Variants in TAF1B observed in about 807,000 individuals in gnomAD.
TAF1B encodes the protein TATA-box binding protein associated factor, RNA polymerase I subunit B.
In TAF1B, 61 loss-of-function variants were observed where a neutral mutation model predicts 83.9. The ratio of observed to expected loss-of-function variants is 0.73; its 90% CI spans 0.59 to 0.90. The LOEUF is 0.90. Among genes scored for constraint, TAF1B ranks in the 40% least tolerant of loss-of-function variants. The pLI is 0.00. For missense variants in TAF1B, 625 were observed against 677.0 expected (o/e 0.92, Z 0.85); for synonymous variants, 221 against 224.6 (o/e 0.98, Z 0.14).
chr2:9,915,569 C>T (rs370811495), intron 12 of TAF1B, among the ~76,000 whole-genome samples: 28 of 152,046 alleles, frequency 1.8e-4, no homozygotes, highest in Non-Finnish European at 3.4e-4. Flanking sequence ...CAAATTAAAA[C>T]GACAATGACA....
At chr2:9,891,073 A>T (rs1286834077) in intron 8 of TAF1B, among the ~76,000 whole-genome samples, 1 of 152,160 alleles carries the variant, frequency 6.6e-6, no homozygotes, top group Non-Finnish European at 1.5e-5. Context: ...CACCTGGCCT[A>T]CTCTCTTACT....
At position 9,853,912 on chromosome 2, in the gene TAF1B, C is replaced by T. The variant is rs142261102; in HGVS notation, c.304-414C>T. Among the ~76,000 whole-genome samples, 1,342 of 152,174 alleles carry T rather than the reference C, an allele frequency of 8.8e-3. 10 individuals are homozygous for T. The highest frequency in any genetic ancestry group is 0.015 in the Non-Finnish European group (998 of 67,994). On this transcript the variant is annotated intron_variant, in intron 4 of 14. Transcript: ENST00000263663. ...ATATGCAGAAGAAAAGGACTCAACTCGGTGATTTTAATGTCTTTCTCTATC... is the reference window on the plus strand; with the variant it reads ...ATATGCAGAAGAAAAGGACTCAACTTGGTGATTTTAATGTCTTTCTCTATC...
At chr2:9,922,211 T>C (rs1390289140) in intron 14 of TAF1B, among the ~76,000 whole-genome samples, 2 of 152,202 alleles carry the variant, frequency 1.3e-5, no homozygotes, top group African/African-American at 4.8e-5. Context: ...GTTGTAAATG[T>C]GGGGATAATA....
chr2:9,906,661 G>A (rs560803993), intron 9 of TAF1B, among the ~76,000 whole-genome samples: 25 of 152,128 alleles, frequency 1.6e-4, no homozygotes, highest in South Asian at 6.2e-4. Context: ...ATAAAAAGTC[G>A]AACAAGCCAA....
At chr2:9,905,623 T>C (rs1456390356) in intron 9 of TAF1B, among the ~76,000 whole-genome samples, 1 of 152,236 alleles carries the variant, frequency 6.6e-6, no homozygotes, top group Non-Finnish European at 1.5e-5. Flanking sequence ...CCTGAATTTC[T>C]TGTTAGACTA....
chr2:9,870,232 G>A (rs538065163), intron 6 of TAF1B, among the ~76,000 whole-genome samples: 2 of 152,292 alleles, frequency 1.3e-5, no homozygotes, highest in East Asian at 1.9e-4. Context: ...TACACCTATT[G>A]TAATCCCAGC....
chr2:9,905,072 A>G (rs2125169266), intron 9 of TAF1B, 66 bp downstream of exon 9: 1 of 1,412,250 alleles, frequency 7.1e-7, no homozygotes. Context: ...AGAGTATAGA[A>G]TCTTTTCAAA....
intron 5 of TAF1B, among the ~76,000 whole-genome samples, chr2:9,858,302 C>T (rs924254066): frequency 2.6e-5 from 4 of 152,224 alleles, no homozygotes; most frequent in African/African-American, 9.6e-5. Flanking sequence ...GTCTCACATC[C>T]AGGCATGCTG....
At position 9,914,745 on chromosome 2, in the gene TAF1B, G is replaced by A. The variant is rs927027914; in HGVS notation, c.1271+1496G>A. Among the ~76,000 whole-genome samples the A allele has an allele frequency of 3.3e-5, 5 of 152,292 alleles. No homozygotes were observed. The highest frequency in any genetic ancestry group is 5.9e-5 in the Non-Finnish European group (4 of 68,026). ...ACCGGGCCCCAAGGTGGAGGCTGTCGAGGGGACCCGTTTCCAAGGTCCTTC... is the reference window on the plus strand; with the variant it reads ...ACCGGGCCCCAAGGTGGAGGCTGTCAAGGGGACCCGTTTCCAAGGTCCTTC... On this transcript the variant is annotated intron_variant, in intron 12 of 14. Coordinates refer to ENST00000263663, the MANE Select transcript of TAF1B (RefSeq NM_005680.3). The surrounding 1 kb of genome is among the most constrained non-coding windows in gnomAD (Gnocchi z 4.3).
intron 6 of TAF1B, 35 bp from the exon 7 acceptor site, chr2:9,875,830 A>G: frequency 6.5e-7 from 1 of 1,546,600 alleles, no homozygotes; most frequent in South Asian, 1.2e-5. Context: ...CAAATAGTTC[A>G]CTGGATTTTT....
intron 11 of TAF1B, 101 bp from the exon 12 acceptor site, chr2:9,913,058 C>A: frequency 1.1e-6 from 1 of 921,644 alleles, no homozygotes; most frequent in Non-Finnish European, 1.7e-6. Flanking sequence ...ACACTCACAC[C>A]AACTGCCCAG....
intron 5 of TAF1B, among the ~76,000 whole-genome samples, chr2:9,859,388 T>TA (rs1360444817): frequency 9.3e-6 from 1 of 107,198 alleles, no homozygotes; most frequent in Non-Finnish European, 2.1e-5. Context: ...CTATCAGCAT[T>TA]TTTTTTTTTT....
intron 8 of TAF1B, among the ~76,000 whole-genome samples, chr2:9,901,566 T>C (rs930305575): frequency 1.3e-5 from 2 of 152,152 alleles, no homozygotes; most frequent in Non-Finnish European, 2.9e-5. Context: ...TGATTTTTTT[T>C]CTAAGGGGAA....
chr2:9,927,544 CTT>C (rs1448100316), intron 14 of TAF1B, among the ~76,000 whole-genome samples: 1 of 152,170 alleles, frequency 6.6e-6, no homozygotes, highest in Admixed American at 6.5e-5. Context: ...TGTTTCCTGA[CTT>C]TTTATTGATT....
intron 5 of TAF1B, among the ~76,000 whole-genome samples, chr2:9,866,452 A>T (rs1014080135): frequency 6.6e-6 from 1 of 151,722 alleles, no homozygotes; most frequent in Admixed American, 6.6e-5. Flanking sequence ...GCTGGAGAGG[A>T]TGTGGAGAAA....
At chr2:9,904,193 G>C (rs1300913575) in intron 8 of TAF1B, among the ~76,000 whole-genome samples, 1 of 152,016 alleles carries the variant, frequency 6.6e-6, no homozygotes, top group African/African-American at 2.4e-5. Flanking sequence ...GTGTGGTGGG[G>C]GTTTGGTGTA....
At chr2:9,876,099 T>A in intron 7 of TAF1B, 81 bp downstream of exon 7, 2 of 1,414,946 alleles carry the variant, frequency 1.4e-6, no homozygotes, top group Non-Finnish European at 1.9e-6. Flanking sequence ...ATTTTGATTT[T>A]TATAAGAAGG....
At chr2:9,849,756 C>T (rs1000272492) in intron 3 of TAF1B, among the ~76,000 whole-genome samples, 1 of 152,148 alleles carries the variant, frequency 6.6e-6, no homozygotes, top group African/African-American at 2.4e-5. Context: ...ATTTTGAACA[C>T]ACCTTTTTAA....
At chr2:9,878,285 A>T (rs1459280151) in intron 7 of TAF1B, among the ~76,000 whole-genome samples, 5 of 150,576 alleles carry the variant, frequency 3.3e-5, no homozygotes, top group Non-Finnish European at 1.5e-5. Context: ...GATGTTGCCC[A>T]AGTTGGTCTC....
Sources: gnomAD v4.1 joint callset for allele counts (sites outside exome capture counted in the v4.1 genomes callset) on GRCh38, gnomAD v4.1.1 for gene constraint, Gnocchi (gnomAD v3.1) non-coding constraint, MANE v1.5 for transcripts, NCBI Gene and HGNC (gene_info 2026-07-23, HGNC 2026-07-21) for gene names.